CHST6: variants seen among roughly 807,000 people sequenced by gnomAD.
The protein encoded by CHST6 is carbohydrate sulfotransferase 6.
For synonymous variants in CHST6, 309 were observed against 276.4 expected, an observed-to-expected ratio of 1.12 and a Z score of -1.17; for missense variants, 698 against 586.2, an observed-to-expected ratio of 1.19 and a Z score of -1.97.
intron 2 of CHST6, among the ~76,000 whole-genome samples, chr16:75,481,347 A>G (rs758350045): frequency 3.9e-5 from 6 of 151,932 alleles, no homozygotes; most frequent in African/African-American, 1.5e-4. Context: ...AATCCTAGCA[A>G]TTTGGGAGGT....
chr16:75,487,884 T>C (rs1327117905), intron 1 of CHST6, among the ~76,000 whole-genome samples: 3 of 148,532 alleles, frequency 2.0e-5, no homozygotes, highest in African/African-American at 7.5e-5. Flanking sequence ...TAATCCCAGC[T>C]ACTCGGGAGG....
intron 1 of CHST6, among the ~76,000 whole-genome samples, chr16:75,489,063 A>G (rs1191059775): frequency 6.6e-6 from 1 of 151,898 alleles, no homozygotes; most frequent in Non-Finnish European, 1.5e-5. Flanking sequence ...CATGGACCTG[A>G]TGATCATCCC....
At chr16:75,489,518 T>C (rs1278968426) in intron 1 of CHST6, among the ~76,000 whole-genome samples, 1 of 151,790 alleles carries the variant, frequency 6.6e-6, no homozygotes, top group Non-Finnish European at 1.5e-5. Context: ...CGCTACATAG[T>C]GTCAAGTGGA....
rs144631857 is a variant in CHST6 at position 75,481,220 on chromosome 16, G to C, written c.-17+597C>G. ...GAGCCCAGGAGTTTGAGGTTGCAGTGAGCTTTGATCATGCCACTGCACTCC... is the reference window on the plus strand; with the variant it reads ...GAGCCCAGGAGTTTGAGGTTGCAGTCAGCTTTGATCATGCCACTGCACTCC... On this transcript the variant is annotated intron_variant, in intron 2 of 2. Coordinates refer to ENST00000332272, the MANE Select transcript of CHST6 (RefSeq NM_021615.5). 3.1e-3 allele frequency among the ~76,000 whole-genome samples: 478 copies of C among 152,262 alleles called. 3 individuals are homozygous for C. Among genetic ancestry groups the C allele is most frequent in the African/African-American group, 0.011 (463 of 41,544 alleles).
intron 1 of CHST6, among the ~76,000 whole-genome samples, chr16:75,489,036 T>G (rs1044841333): frequency 7.2e-5 from 11 of 152,020 alleles, no homozygotes; most frequent in African/African-American, 2.7e-4. Flanking sequence ...GATTTGATCC[T>G]CACAGCAACC....
At chr16:75,480,583 TAAA>T (rs923065536) in intron 2 of CHST6, among the ~76,000 whole-genome samples, 1 of 150,118 alleles carries the variant, frequency 6.7e-6, no homozygotes, top group African/African-American at 2.5e-5. Context: ...TTTTTTTTTT[TAAA>T]TAGACAGGTA....
chr16:75,489,382 A>C (rs1270488248), intron 1 of CHST6, among the ~76,000 whole-genome samples: 1 of 150,050 alleles, frequency 6.7e-6, no homozygotes, highest in South Asian at 2.1e-4. Flanking sequence ...CTGGGCAACA[A>C]AGCAAGACTC....
At chr16:75,482,294 A>C (rs2080150680) in intron 1 of CHST6, among the ~76,000 whole-genome samples, 2 of 152,148 alleles carry the variant, frequency 1.3e-5, no homozygotes, top group Admixed American at 6.5e-5. Flanking sequence ...CATGCTGGTA[A>C]TCCCAGCACT....
At chr16:75,483,103 G>A (rs924228503) in intron 1 of CHST6, among the ~76,000 whole-genome samples, 2 of 152,218 alleles carry the variant, frequency 1.3e-5, no homozygotes, top group Non-Finnish European at 2.9e-5. Flanking sequence ...CCTGAGGTGG[G>A]CACGATGATG....
chr16:75,480,927 C>CAAAAAAA (rs60465949), intron 2 of CHST6, among the ~76,000 whole-genome samples: 2 of 111,370 alleles, frequency 1.8e-5, no homozygotes, highest in African/African-American at 4.0e-5. Flanking sequence ...AACTTCATTC[C>CAAAAAAA]AAAAAAAAAA....
At chr16:75,485,532 C>G (rs2080187103) in intron 1 of CHST6, among the ~76,000 whole-genome samples, 1 of 152,222 alleles carries the variant, frequency 6.6e-6, no homozygotes, top group Non-Finnish European at 1.5e-5. Flanking sequence ...TCACAGCTCA[C>G]AGCTGAAGTA....
intron 1 of CHST6, among the ~76,000 whole-genome samples, chr16:75,494,681 G>C (rs367695073): frequency 1.6e-3 from 241 of 152,346 alleles, no homozygotes; most frequent in African/African-American, 5.6e-3. Flanking sequence ...TGAAACTCAA[G>C]TATCGAGACA....
chr16:75,479,229 C>G lies in CHST6; in HGVS notation c.600G>C (p.Leu200=), dbSNP rs934716493. 1.9e-6 allele frequency: 3 copies of G among 1,611,192 alleles called. No homozygotes were observed. Among genetic ancestry groups the G allele is most frequent in the African/African-American group, 2.7e-5 (2 of 74,924 alleles). ...GCAGCACGGCCCGCGGGTCGCGCACCAGGTGCACGATGCGTAGGTTGAGCG... is the reference window on the plus strand; with the variant it reads ...GCAGCACGGCCCGCGGGTCGCGCACGAGGTGCACGATGCGTAGGTTGAGCG... ...DPALNLRIVH[L]VRDPRAVLRS... Residue 200 remains leucine (L), a synonymous_variant, in exon 3 of 3, where the codon CTG becomes CTC. Transcript: ENST00000332272.
chr16:75,480,565 G>T (rs1331978856), intron 2 of CHST6, among the ~76,000 whole-genome samples: 1 of 99,692 alleles, frequency 1.0e-5, no homozygotes, highest in Non-Finnish European at 2.0e-5. Context: ...CTTCTGCAGT[G>T]TATGATTTTT....
Position 75,475,616 on chromosome 16 carries a change from A to C in CHST6, c.*3025T>G, listed in dbSNP as rs2151663351. ...AGCCCTGGCTTTACTGTGCCTAGTCAGCCAGGCCACTTTCTTTGTCCTGAA... is the reference window on the plus strand; with the variant it reads ...AGCCCTGGCTTTACTGTGCCTAGTCCGCCAGGCCACTTTCTTTGTCCTGAA... On this transcript the variant is annotated 3_prime_UTR_variant, in exon 3 of 3. Transcript: ENST00000332272. The C allele has an allele frequency of 6.6e-6, 1 of 152,372 alleles. No individual in the cohort carries two copies. The highest frequency in any genetic ancestry group is 1.9e-4 in the East Asian group (1 of 5,194). 9.4% of individuals were successfully genotyped at this position (152,372 alleles called of 1,614,324 possible). A position where few individuals can be genotyped will look rare whatever the true frequency, so the allele number is the denominator to read the frequency against.
chr16:75,494,104 C>G (rs750764071), intron 1 of CHST6, among the ~76,000 whole-genome samples: 11 of 152,184 alleles, frequency 7.2e-5, no homozygotes, highest in Non-Finnish European at 1.3e-4. Context: ...CTCGGCCTCC[C>G]AAAGTGCTGG....
rs143237911 is a variant in CHST6, at chr16:75,486,146, T to G, written c.-91-4255A>C. ...AGCCCTGACTCCCACTGGGAGGCAT[T>G]TCAGCCTCGCCTGCAGCCACCTCCT... On this transcript the variant is annotated intron_variant, in intron 1 of 2. Transcript: ENST00000332272. 7.6e-3 allele frequency among the ~76,000 whole-genome samples: 1,161 copies of G among 152,328 alleles called. 13 individuals carry two copies. Among genetic ancestry groups the G allele is most frequent in the African/African-American group, 0.026 (1,089 of 41,580 alleles).
chr16:75,491,218 T>TATATATAAAA (rs1384245947), intron 1 of CHST6, among the ~76,000 whole-genome samples: 2 of 97,674 alleles, frequency 2.0e-5, no homozygotes, highest in Non-Finnish European at 3.9e-5. Flanking sequence ...TATATATATA[T>TATATATAAAA]AAAATATAAT....
At chr16:75,492,285 T>C (rs1767389495) in intron 1 of CHST6, among the ~76,000 whole-genome samples, 1 of 152,204 alleles carries the variant, frequency 6.6e-6, no homozygotes, top group Admixed American at 6.5e-5. Flanking sequence ...AGCACCTGCC[T>C]TGGTCTAAAT....
Sources: allele counts gnomAD v4.1 joint callset (sites outside exome capture counted in the v4.1 genomes callset), GRCh38; gene constraint gnomAD v4.1.1; transcripts MANE v1.5; gene names NCBI Gene and HGNC (gene_info 2026-07-23, HGNC 2026-07-21).